The following DACH2 variants were observed in gnomAD, a reference collection of about 807,000 sequenced individuals.
DACH2 encodes dachshund homolog 2.
DACH2 carries 17 observed loss-of-function variants against 35.8 expected under a neutral mutation model. That is an observed-to-expected ratio of 0.48 (90% confidence interval 0.33 to 0.71). The LOEUF is 0.71. DACH2 is among the 30% of genes least tolerant of loss of function. DACH2 has a pLI of 0.02. For missense variants in DACH2, 469 were observed against 472.7 expected (o/e 0.99, Z 0.07); for synonymous variants, 195 against 177.3 (o/e 1.10, Z -0.79).
chrX:86,501,018 A>C (rs1298783737), intron 2 of DACH2, among the ~76,000 whole-genome samples: 2 of 111,924 alleles, frequency 1.8e-5, no homozygotes, highest in Non-Finnish European at 3.8e-5. Flanking sequence ...CATGCTTTGC[A>C]CTTGACATGT....
intron 4 of DACH2, among the ~76,000 whole-genome samples, chrX:86,656,039 C>T (rs867552014): frequency 9.9e-6 from 1 of 100,610 alleles, no homozygotes; most frequent in Non-Finnish European, 2.0e-5. Context: ...TCCCCCCCCC[C>T]ACTAATCTGT....
At chrX:86,625,098 T>C (rs2040119057) in intron 3 of DACH2, among the ~76,000 whole-genome samples, 2 of 111,158 alleles carry the variant, frequency 1.8e-5, no homozygotes. Context: ...GGTTTGTATC[T>C]CTTTTGGAAT....
chrX:86,300,892 T>C (rs1284500116), intron 1 of DACH2, among the ~76,000 whole-genome samples: 1 of 112,085 alleles, frequency 8.9e-6, no homozygotes, highest in Non-Finnish European at 1.9e-5. Flanking sequence ...TAAAATGGAA[T>C]AAATATTTAG....
chrX:86,285,747 C>A (rs1475795722), intron 1 of DACH2, among the ~76,000 whole-genome samples: 1 of 111,542 alleles, frequency 9.0e-6, no homozygotes, highest in Non-Finnish European at 1.9e-5. Context: ...AAGATCTGTC[C>A]AATGCTGAAA....
At chrX:86,153,178 A>G (rs1019528870) in intron 1 of DACH2, among the ~76,000 whole-genome samples, 5 of 111,350 alleles carry the variant, frequency 4.5e-5, no homozygotes, top group Non-Finnish European at 7.6e-5. Context: ...GAAACAAGAA[A>G]GTATGATTAA....
chrX:86,168,387 A>G (rs2031014037), intron 1 of DACH2, among the ~76,000 whole-genome samples: 1 of 111,064 alleles, frequency 9.0e-6, no homozygotes, highest in Non-Finnish European at 1.9e-5. Context: ...TTGACATGGA[A>G]TATTTTTTCC....
At chrX:86,385,891 A>G (rs2036115397) in intron 2 of DACH2, among the ~76,000 whole-genome samples, 1 of 111,488 alleles carries the variant, frequency 9.0e-6, no homozygotes, top group Non-Finnish European at 1.9e-5. Context: ...TATTTTTAGG[A>G]CAGTTTTAAA....
At chrX:86,527,453 A>C (rs192880747) in intron 3 of DACH2, among the ~76,000 whole-genome samples, 5 of 112,408 alleles carry the variant, frequency 4.4e-5, no homozygotes, top group African/African-American at 1.6e-4. Flanking sequence ...TAGAGAATGC[A>C]CTATTTTTTG....
intron 7 of DACH2, among the ~76,000 whole-genome samples, chrX:86,760,914 T>G (rs2041874153): frequency 9.0e-6 from 1 of 111,705 alleles, no homozygotes; most frequent in Non-Finnish European, 1.9e-5. Context: ...TTTTTGGTAA[T>G]GGTTTGGTAG....
chrX:86,499,766 T>C (rs1435545079), intron 2 of DACH2, among the ~76,000 whole-genome samples: 1 of 112,182 alleles, frequency 8.9e-6, no homozygotes, highest in Non-Finnish European at 1.9e-5. Context: ...ACATAAAAAA[T>C]GAAAACGACA....
intron 3 of DACH2, among the ~76,000 whole-genome samples, chrX:86,532,352 G>A (rs2038734348): frequency 1.8e-5 from 2 of 111,387 alleles, no homozygotes; most frequent in Non-Finnish European, 3.8e-5. Context: ...GTGTCATCTT[G>A]AATTGCAATC....
At chrX:86,191,785 A>G (rs1168377928) in intron 1 of DACH2, among the ~76,000 whole-genome samples, 1 of 110,500 alleles carries the variant, frequency 9.0e-6, no homozygotes, top group Non-Finnish European at 1.9e-5. Flanking sequence ...TACTAAAAAT[A>G]CAAAAATTAG....
rs753377089 is a variant in DACH2 at position 86,359,958 on chromosome X, C to CT, written c.489-16865dup. ...GTGCATGCAACTAGATCACCGCTCGCTGCAGCCTTGACCTCCTGGGCTCTA... is the reference window on the plus strand; with the variant it reads ...GTGCATGCAACTAGATCACCGCTCGCTTGCAGCCTTGACCTCCTGGGCTCTA... On this transcript the variant is annotated intron_variant, in intron 1 of 11. Transcript: ENST00000373125. 3.6e-5 allele frequency among the ~76,000 whole-genome samples: 4 copies of CT among 109,702 alleles called. No homozygotes were observed. In the East Asian group the frequency reaches 1.2e-3, roughly 32 times the overall value.
chrX:86,614,904 C>T (rs1294402198), intron 3 of DACH2, among the ~76,000 whole-genome samples: 1 of 111,823 alleles, frequency 8.9e-6, no homozygotes, highest in Non-Finnish European at 1.9e-5. Flanking sequence ...GATACAAAAT[C>T]TCGGCCATCA....
At chrX:86,709,413 GA>G in intron 5 of DACH2, among the ~76,000 whole-genome samples, 1 of 111,665 alleles carries the variant, frequency 9.0e-6, no homozygotes, top group Non-Finnish European at 1.9e-5. Context: ...AACTCAAAAG[GA>G]TCATAGTCCT....
chrX:86,333,792 A>G (rs1048163241), intron 1 of DACH2, among the ~76,000 whole-genome samples: 1 of 111,439 alleles, frequency 9.0e-6, no homozygotes, highest in Non-Finnish European at 1.9e-5. Context: ...GTTCTGGGAT[A>G]CATGTGCCAG....
intron 4 of DACH2, among the ~76,000 whole-genome samples, chrX:86,684,676 A>G (rs1410498368): frequency 1.8e-5 from 2 of 110,888 alleles, no homozygotes; most frequent in East Asian, 5.7e-4. Context: ...TAGTTGATCT[A>G]TGAAAAATGA....
chrX:86,703,759 C>T (rs183541171), intron 5 of DACH2, among the ~76,000 whole-genome samples: 18 of 110,897 alleles, frequency 1.6e-4, no homozygotes, highest in African/African-American at 5.2e-4. Context: ...ACCAATGAGT[C>T]GAAAGATCTC....
At chrX:86,212,402 T>C (rs5968828) in intron 1 of DACH2, among the ~76,000 whole-genome samples, 20,018 of 111,007 alleles carry the variant, frequency 0.18, 4,377 homozygotes, top group African/African-American at 0.62. Context: ...TGAATCATGA[T>C]AAATGTGACT....
Sources: gnomAD v4.1 joint callset for allele counts (sites outside exome capture counted in the v4.1 genomes callset) on GRCh38, gnomAD v4.1.1 for gene constraint, MANE v1.5 for transcripts, NCBI Gene and HGNC (gene_info 2026-07-23, HGNC 2026-07-21) for gene names.